Variants in LARS1 observed in about 807,000 individuals in gnomAD.
LARS1 encodes the protein leucine--tRNA ligase, cytoplasmic.
LARS1 carries 100 observed loss-of-function variants against 162.8 expected under a neutral mutation model. That is an observed-to-expected ratio of 0.61 (90% CI 0.52 to 0.73). The LOEUF (loss-of-function observed/expected upper bound fraction) is 0.73, where lower values mean the gene tolerates loss of function less well. LARS1 is among the 30% of genes least tolerant of loss of function. The pLI is 0.00. For synonymous variants in LARS1, 457 were observed against 462.8 expected, an observed-to-expected ratio of 0.99 and a Z score of 0.16; for missense variants, 1,258 against 1,408.9, an observed-to-expected ratio of 0.89 and a Z score of 1.71.
At chr5:146,127,050 T>A (rs1752080068) in intron 27 of LARS1, among the ~76,000 whole-genome samples, 2 of 152,016 alleles carry the variant, frequency 1.3e-5, no homozygotes, top group South Asian at 2.1e-4. Context: ...ATGAGTACAA[T>A]CCAAGTGTGC....
intron 1 of LARS1, 137 bp downstream of exon 1, chr5:146,182,351 G>A (rs1581103746): frequency 1.8e-6 from 2 of 1,128,790 alleles, no homozygotes; most frequent in Non-Finnish European, 2.7e-6. Flanking sequence ...AAAAAGCAAA[G>A]TCTCTACGAA....
rs1360152191 is a variant in LARS1 at position 146,126,499 on chromosome 5, A to G, written c.2927T>C (p.Leu976Pro). The change falls in exon 28 of 32, where the codon CTA (leucine) becomes CCA (proline). Residue 976 changes from leucine to proline, a missense_variant. Physicochemically the swap from Leu to Pro is moderately conservative, Grantham distance 98 (BLOSUM62 -3). Transcript: ENST00000394434. Reference sequence around the variant, plus strand: ...TTTCTTCAGTTCTGGCATACTGCCTAGTTCACTAGCAATGACTTTGTTGTC... The same window carrying G: ...TTTCTTCAGTTCTGGCATACTGCCTGGTTCACTAGCAATGACTTTGTTGTC... ...LPDNKVIASE[L>P]GSMPELKKYM... 1 of 1,612,356 alleles carries G rather than the reference A, an allele frequency of 6.2e-7. No homozygotes were observed. The highest frequency in any genetic ancestry group is 8.5e-7 in the Non-Finnish European group (1 of 1,178,906).
Position 146,153,967 on chromosome 5 carries a change from G to A in LARS1, c.1079C>T (p.Ala360Val), listed in dbSNP as rs748505407. 1.2e-6 allele frequency: 2 copies of A among 1,604,748 alleles called. No homozygotes were observed. The highest frequency in any genetic ancestry group is 1.7e-6 in the Non-Finnish European group (2 of 1,176,880). The change falls in exon 11 of 32, where the codon GCA (alanine) becomes GTA (valine). Residue 360 changes from alanine to valine, a missense_variant. By Grantham distance (64) the Ala-to-Val change is moderately conservative. Transcript: ENST00000394434. Reference protein sequence around the residue: ...KELMGEEILGASLSAPLTSYK... With the variant: ...KELMGEEILGVSLSAPLTSYK... The stretch of plus-strand genomic sequence containing the variant: ...TGATGTTAAAGGTGCAGAAAGTGAT[G>A]CACCAAGAATTTCCTGCATAAGAAA...
chr5:146,141,950 C>T (rs1581037384), intron 20 of LARS1, among the ~76,000 whole-genome samples: 1 of 152,286 alleles, frequency 6.6e-6, no homozygotes, highest in East Asian at 1.9e-4. Flanking sequence ...CACCTGAGGT[C>T]AGGAGTTTGA....
rs542850155 is a variant in LARS1 at position 146,117,179 on chromosome 5, G to A, written c.3326-2868C>T. Among the ~76,000 whole-genome samples, 105 of 152,116 alleles carry A rather than the reference G, an allele frequency of 6.9e-4. 1 individual carries two copies. Among genetic ancestry groups the A allele is most frequent in the Non-Finnish European group, 1.2e-3 (80 of 67,974 alleles). On this transcript the variant is annotated intron_variant, in intron 31 of 31. Transcript: ENST00000394434. Reference sequence around the variant, plus strand: ...GCTCAATGAGAAAAGACAAGAAATAGGAAATACATTTCAGTACAATTCTGC... The same window carrying A: ...GCTCAATGAGAAAAGACAAGAAATAAGAAATACATTTCAGTACAATTCTGC...
intron 1 of LARS1, among the ~76,000 whole-genome samples, chr5:146,181,938 T>G (rs1448253179): frequency 6.9e-6 from 1 of 145,558 alleles, no homozygotes; most frequent in African/African-American, 2.5e-5. Flanking sequence ...ATTTGTTTGT[T>G]TATTTATTTA....
intron 21 of LARS1, among the ~76,000 whole-genome samples, chr5:146,136,270 C>A (rs1009519325): frequency 6.6e-6 from 1 of 152,146 alleles, no homozygotes; most frequent in Non-Finnish European, 1.5e-5. Context: ...CAATACATAT[C>A]TTGTTCTAAT....
In LARS1 at chr5:146,142,949, G is replaced by C. The variant is rs772820398; in HGVS notation, c.2013C>G (p.Arg671=). The C allele has an allele frequency of 6.2e-7, 1 of 1,614,010 alleles. No individual in the cohort carries two copies. The highest frequency in any genetic ancestry group is 1.1e-5 in the South Asian group (1 of 91,076). Residue 671 remains arginine (R), a synonymous_variant, in exon 20 of 32, where the codon CGC becomes CGG. Transcript: ENST00000394434. ...TTGGAACAAGATCCTTGCCAGAGAC[G>C]CGAAGATCAACAGGATACCAGAATT... ...EFEFWYPVDL[R]VSGKDLVPNH...
intron 8 of LARS1, 33 bp downstream of exon 8, chr5:146,159,374 T>C (rs760670362): frequency 1.3e-6 from 2 of 1,531,782 alleles, no homozygotes; most frequent in Non-Finnish European, 1.8e-6. Context: ...TTAAGGATTA[T>C]TATAATAGCT....
chr5:146,124,538 C>T (rs1383782717), intron 28 of LARS1, among the ~76,000 whole-genome samples: 1 of 151,514 alleles, frequency 6.6e-6, no homozygotes, highest in Non-Finnish European at 1.5e-5. Flanking sequence ...TAATAATATC[C>T]AAACAAAAAA....
At chr5:146,161,427 A>G (rs544790322) in intron 6 of LARS1, among the ~76,000 whole-genome samples, 2 of 152,140 alleles carry the variant, frequency 1.3e-5, no homozygotes, top group Non-Finnish European at 1.5e-5. Flanking sequence ...CTCATAATAG[A>G]ACTTTCAAAA....
chr5:146,133,740 G>A lies in LARS1; in HGVS notation c.2213-659C>T, dbSNP rs189128230. 1.0e-4 allele frequency among the ~76,000 whole-genome samples: 15 copies of A among 146,244 alleles called. No homozygotes were observed. In the East Asian group the frequency reaches 1.2e-3, roughly 12 times the overall value. The stretch of plus-strand genomic sequence containing the variant: ...GGGAACTCATTATGTAGTTATTTCC[G>A]TCTTTAGCTTTGGTGTCCAATCAAA... On this transcript the variant is annotated intron_variant, in intron 22 of 31. Transcript: ENST00000394434.
intron 14 of LARS1, 42 bp from the exon 15 acceptor site, chr5:146,149,741 T>C: frequency 1.4e-6 from 2 of 1,405,686 alleles, no homozygotes; most frequent in Non-Finnish European, 1.0e-6. Context: ...ATAAAACAGT[T>C]AGAATCTGCC....
intron 23 of LARS1, chr5:146,132,266 T>C (rs1013573560): frequency 2.0e-5 from 3 of 152,098 alleles, no homozygotes; most frequent in African/African-American, 4.8e-5. Context: ...GATTGTGCCA[T>C]TGCACTCCAG....
chr5:146,140,126 T>A, intron 21 of LARS1, 78 bp downstream of exon 21: 1 of 1,132,170 alleles, frequency 8.8e-7, no homozygotes, highest in Non-Finnish European at 1.3e-6. Context: ...CTTACATACA[T>A]TTAAAAAAAA....
At chr5:146,118,139 T>A (rs74548920) in intron 31 of LARS1, among the ~76,000 whole-genome samples, 1 of 152,004 alleles carries the variant, frequency 6.6e-6, no homozygotes, top group Non-Finnish European at 1.5e-5. Context: ...AACGGATGAA[T>A]GAAAAGAGAA....
intron 30 of LARS1, among the ~76,000 whole-genome samples, chr5:146,120,744 C>T (rs921884796): frequency 1.3e-5 from 2 of 152,304 alleles, no homozygotes; most frequent in South Asian, 2.1e-4. Flanking sequence ...ACAATAACTA[C>T]ATTTTCTCTT....
intron 31 of LARS1, among the ~76,000 whole-genome samples, chr5:146,114,846 C>A (rs1764129431): frequency 6.6e-6 from 1 of 151,190 alleles, no homozygotes; most frequent in South Asian, 2.1e-4. Flanking sequence ...GAGATCGAGA[C>A]CATCCTGACC....
chr5:146,164,222 T>A, intron 6 of LARS1, 88 bp downstream of exon 6: 1 of 1,328,762 alleles, frequency 7.5e-7, no homozygotes, highest in South Asian at 1.3e-5. Context: ...GTAAAAAAAA[T>A]CCATGTCTGG....
Sources: allele counts gnomAD v4.1 joint callset (sites outside exome capture counted in the v4.1 genomes callset), GRCh38; gene constraint gnomAD v4.1.1; transcripts MANE v1.5; gene names NCBI Gene and HGNC (gene_info 2026-07-23, HGNC 2026-07-21).